Variants in QSOX1 observed in about 807,000 individuals in gnomAD.
The protein encoded by QSOX1 is sulfhydryl oxidase 1.
Under a neutral mutation model 76.1 loss-of-function variants are expected in QSOX1, and 40 were observed. The observed-to-expected ratio is 0.53, with a 90% CI of 0.41 to 0.68. The LOEUF (loss-of-function observed/expected upper bound fraction) is 0.68, where lower values mean the gene tolerates loss of function less well. Ranked by LOEUF, QSOX1 falls within the 30% of genes least tolerant of loss-of-function variation. The pLI, the probability that QSOX1 is intolerant of heterozygous loss-of-function variation, is 0.00. For missense variants in QSOX1, 931 were observed against 974.3 expected (o/e 0.96, Z 0.59); for synonymous variants, 392 against 413.1 (o/e 0.95, Z 0.62).
chr1:180,175,290 T>C (rs2149235537), intron 2 of QSOX1, 31 bp from the exon 3 acceptor site: 1 of 1,612,642 alleles, frequency 6.2e-7, no homozygotes, highest in Non-Finnish European at 8.5e-7. Flanking sequence ...CACTATCTAT[T>C]ACTGATGCCC....
Position 180,194,236 on chromosome 1 carries a change from G to A in QSOX1, c.1312G>A (p.Ala438Thr), listed in dbSNP as rs771245325. The change falls in exon 11 of 12, where the codon GCC becomes ACC. Residue 438 changes from alanine to threonine, a missense_variant. Coordinates refer to ENST00000367602, the MANE Select transcript of QSOX1 (RefSeq NM_002826.5). ...EAAKAKEVLPAIRGYVHYFFG... is the reference protein window; with the variant it reads ...EAAKAKEVLPTIRGYVHYFFG... ...AGCCAAGGCCAAGGAGGTCCTCCCA[G>A]CCATCCGAGGCTACGTGCACTACTT... 2.0e-5 allele frequency: 33 copies of A among 1,612,826 alleles called. No individual in the cohort carries two copies. In the South Asian group the frequency reaches 3.6e-4, roughly 18 times the overall value.
chr1:180,194,478 G>C, intron 11 of QSOX1, 86 bp downstream of exon 11: 11 of 1,345,354 alleles, frequency 8.2e-6, no homozygotes, highest in Non-Finnish European at 1.1e-5. Flanking sequence ...CAAAATTTGG[G>C]GAAGGGACAC....
At chr1:180,167,466 G>T (rs1245339400) in intron 2 of QSOX1, among the ~76,000 whole-genome samples, 1 of 152,202 alleles carries the variant, frequency 6.6e-6, no homozygotes, top group Admixed American at 6.5e-5. Context: ...TGAGCTGGGG[G>T]TAGGGGCAGC....
intron 10 of QSOX1, among the ~76,000 whole-genome samples, chr1:180,191,526 C>T (rs999658684): frequency 1.3e-5 from 2 of 152,248 alleles, no homozygotes; most frequent in Non-Finnish European, 2.9e-5. Context: ...AGCATCTCCA[C>T]CATGCCATGT....
At chr1:180,194,434 G>T (rs200691053) in intron 11 of QSOX1, 42 bp downstream of exon 11, 1 of 1,497,324 alleles carries the variant, frequency 6.7e-7, no homozygotes, top group South Asian at 1.3e-5. Flanking sequence ...ACTTGTGGGG[G>T]ACGAGGGGGT....
At chr1:180,185,580 A>C (rs3842889) in intron 7 of QSOX1, among the ~76,000 whole-genome samples, 21,121 of 152,084 alleles carry the variant, frequency 0.14, 1,626 homozygotes, top group Middle Eastern at 0.22. Flanking sequence ...CATTTCCCAG[A>C]CTTGGTGGGC....
At chr1:180,185,643 G>T (rs1233292600) in intron 7 of QSOX1, among the ~76,000 whole-genome samples, 2 of 152,214 alleles carry the variant, frequency 1.3e-5, no homozygotes, top group East Asian at 3.8e-4. Flanking sequence ...GCCATGTCGT[G>T]TGTATGAACC....
chr1:180,188,020 A>G (rs190115857), intron 8 of QSOX1, among the ~76,000 whole-genome samples: 2 of 152,284 alleles, frequency 1.3e-5, no homozygotes, highest in Admixed American at 1.3e-4. Context: ...TGTTTCTCAG[A>G]GAAGATTCCA....
At chr1:180,155,961 A>G (rs1467186457) in intron 1 of QSOX1, among the ~76,000 whole-genome samples, 1 of 152,218 alleles carries the variant, frequency 6.6e-6, no homozygotes, top group Non-Finnish European at 1.5e-5. Flanking sequence ...GACACCATCA[A>G]CTGTGAGACA....
In QSOX1 at chr1:180,190,716, T is replaced by C. The variant is rs576188690; in HGVS notation, c.1288+136T>C. The C allele has an allele frequency of 3.1e-5, 36 of 1,145,904 alleles. No individual in the cohort carries two copies. In the South Asian group the frequency reaches 4.5e-4, roughly 14 times the overall value. The allele number at this position is 1,145,904 out of a possible 1,614,324, so 71.0% of individuals were successfully genotyped here. On this transcript the variant is annotated intron_variant, in intron 10 of 11. Coordinates refer to ENST00000367602, the MANE Select transcript of QSOX1 (RefSeq NM_002826.5). ...TGCCAGAAGATGGGGAGAGTCAGCC[T>C]TGGGGCTCTGGCTGGATTGCTCTAT...
intron 5 of QSOX1, among the ~76,000 whole-genome samples, chr1:180,179,616 C>T (rs373577221): frequency 3.8e-4 from 58 of 152,380 alleles, no homozygotes; most frequent in African/African-American, 1.4e-3. Flanking sequence ...TGGACTTCTC[C>T]ATAGACCAGT....
rs368595035 is a variant in QSOX1, at chr1:180,167,037, T to C, written c.366+446T>C. ...GCAGGGATCCCCGGCACGGGAGTTA[T>C]CACACCCAAGGCATGAGGGCTTTGT... is the stretch of plus-strand genomic sequence containing the variant. On this transcript the variant is annotated intron_variant, in intron 2 of 11. Coordinates refer to ENST00000367602, the MANE Select transcript of QSOX1 (RefSeq NM_002826.5). Among the ~76,000 whole-genome samples, 35 of 152,362 alleles carry C rather than the reference T, an allele frequency of 2.3e-4. No homozygotes were observed. In the East Asian group the frequency reaches 3.7e-3, roughly 16 times the overall value.
At chr1:180,170,097 A>G (rs549637169) in intron 2 of QSOX1, among the ~76,000 whole-genome samples, 3 of 152,284 alleles carry the variant, frequency 2.0e-5, no homozygotes, top group East Asian at 3.9e-4. Flanking sequence ...GATGAGGCAG[A>G]GCTGGGGGAG....
intron 1 of QSOX1, among the ~76,000 whole-genome samples, chr1:180,164,307 G>T (rs564884645): frequency 2.6e-5 from 4 of 152,190 alleles, no homozygotes; most frequent in Non-Finnish European, 4.4e-5. Flanking sequence ...TGGTGGGGGG[G>T]TGTTGAGGAG....
intron 1 of QSOX1, among the ~76,000 whole-genome samples, chr1:180,162,228 CAAA>C (rs1353947701): frequency 1.3e-5 from 2 of 152,278 alleles, no homozygotes; most frequent in South Asian, 2.1e-4. Context: ...AAATATAACT[CAAA>C]GAAGATTAAA....
At chr1:180,181,496 G>A (rs1663034925) in intron 5 of QSOX1, among the ~76,000 whole-genome samples, 1 of 152,128 alleles carries the variant, frequency 6.6e-6, no homozygotes, top group Non-Finnish European at 1.5e-5. Context: ...TGCACATACT[G>A]GGCTCAGAGT....
chr1:180,196,609 C>T lies in QSOX1; in HGVS notation c.1816C>T (p.Pro606Ser). ...VPAEGPEASR[P>S]PKLHPGLRAA... is the part of the protein sequence containing the mutation. ...GGCTGAGGGACCTGAGGCAAGTCGACCCCCGAAGCTGCACCCTGGCCTCAG... is the reference window on the plus strand; with the variant it reads ...GGCTGAGGGACCTGAGGCAAGTCGATCCCCGAAGCTGCACCCTGGCCTCAG... The change falls in exon 12 of 12, where the codon CCC becomes TCC. Residue 606 changes from proline to serine, a missense_variant. Transcript: ENST00000367602. This position sits in a 1 kb window ranked among gnomAD's most constrained non-coding sequence, Gnocchi z 4.1. 1 of 1,614,216 alleles carries T rather than the reference C, an allele frequency of 6.2e-7. No homozygotes were observed. The highest frequency in any genetic ancestry group is 8.5e-7 in the Non-Finnish European group (1 of 1,180,034).
chr1:180,180,490 G>A lies in QSOX1; in HGVS notation c.606+1606G>A, dbSNP rs143736960. ...CTCCCATAATGCTGGGATTACAGAC[G>A]TGAGCCACTGCGCCCAACCAGGAAC... On this transcript the variant is annotated intron_variant, in intron 5 of 11. Coordinates refer to ENST00000367602, the MANE Select transcript of QSOX1 (RefSeq NM_002826.5). 3.3e-5 allele frequency among the ~76,000 whole-genome samples: 5 copies of A among 152,246 alleles called. No homozygotes were observed. The East Asian group carries it at 9.7e-4, about 29-fold the overall frequency.
chr1:180,198,695 C>T lies in QSOX1; in HGVS notation c.*1658C>T. On this transcript the variant is annotated 3_prime_UTR_variant, in exon 12 of 12. Transcript: ENST00000367602. ...TCCTGGGTTGGACTCCCTCTCTGTGCCCCTGCTCCAGGCACCCATTGGCTC... is the reference window on the plus strand; with the variant it reads ...TCCTGGGTTGGACTCCCTCTCTGTGTCCCTGCTCCAGGCACCCATTGGCTC... 1 of 319,676 alleles carries T rather than the reference C, an allele frequency of 3.1e-6. No individual in the cohort carries two copies. Among genetic ancestry groups the T allele is most frequent in the Non-Finnish European group, 6.2e-6 (1 of 160,008 alleles). The allele number at this position is 319,676 out of a possible 1,614,324, so 19.8% of individuals were successfully genotyped here. A position where few individuals can be genotyped will look rare whatever the true frequency, so the allele number is the denominator to read the frequency against.
Sources: allele counts gnomAD v4.1 joint callset (sites outside exome capture counted in the v4.1 genomes callset), GRCh38; gene constraint gnomAD v4.1.1; non-coding constraint Gnocchi (gnomAD v3.1); transcripts MANE v1.5; gene names NCBI Gene and HGNC (gene_info 2026-07-23, HGNC 2026-07-21).